LMX1B: variants seen among roughly 807,000 people sequenced by gnomAD.
LMX1B encodes LIM homeobox transcription factor 1-beta.
LMX1B carries 12 observed loss-of-function variants against 51.4 expected under a neutral mutation model. The observed-to-expected ratio is 0.23, with a 90% confidence interval of 0.15 to 0.38. The LOEUF (loss-of-function observed/expected upper bound fraction) is 0.38. Among genes scored for constraint, LMX1B ranks in the 10% least tolerant of loss-of-function variants. The pLI, the probability that LMX1B is intolerant of heterozygous loss-of-function variation, is 1.00. For synonymous variants in LMX1B, 237 were observed against 235.4 expected (o/e 1.01, Z -0.06); for missense variants, 445 against 571.1 (o/e 0.78, Z 2.25).
chr9:126,668,014 T>C (rs909436115), intron 2 of LMX1B, among the ~76,000 whole-genome samples: 2 of 152,100 alleles, frequency 1.3e-5, no homozygotes, highest in Non-Finnish European at 2.9e-5. Flanking sequence ...GATGATGTGG[T>C]CCCACTGGGT....
rs146705149 is a variant in LMX1B, at chr9:126,626,991, G to T, written c.326+11422G>T. 2.3e-3 allele frequency among the ~76,000 whole-genome samples: 349 copies of T among 152,306 alleles called. 1 individual carries two copies. Among genetic ancestry groups the T allele is most frequent in the Middle Eastern group, 3.4e-3 (1 of 294 alleles). On this transcript the variant is annotated intron_variant, in intron 2 of 7. Coordinates refer to ENST00000373474, the MANE Select transcript of LMX1B (RefSeq NM_001174147.2). This position sits in a 1 kb window ranked among gnomAD's most constrained non-coding sequence, Gnocchi z 4.3. Reference sequence around the variant, plus strand: ...GGAAGAGGCCTTGGTCTTGGGGGAGGCCCCCGCCTGAGCATTGATAAGGGT... The same window carrying T: ...GGAAGAGGCCTTGGTCTTGGGGGAGTCCCCCGCCTGAGCATTGATAAGGGT...
chr9:126,633,912 C>A (rs561977408), intron 2 of LMX1B, among the ~76,000 whole-genome samples: 1 of 152,082 alleles, frequency 6.6e-6, no homozygotes, highest in Non-Finnish European at 1.5e-5. Context: ...AAGGGGTAGT[C>A]GGCAGTCCAA....
In LMX1B at chr9:126,677,472, G is replaced by C. The variant is rs559676467; in HGVS notation, c.327-13364G>C. ...GTCACTGGCTAGAAGCAGGTATCAGGCTCCCAAATCTCTGGGTCATTTGCT... is the reference window on the plus strand; with the variant it reads ...GTCACTGGCTAGAAGCAGGTATCAGCCTCCCAAATCTCTGGGTCATTTGCT... On this transcript the variant is annotated intron_variant, in intron 2 of 7. Transcript: ENST00000373474. This position sits in a 1 kb window ranked among gnomAD's most constrained non-coding sequence, Gnocchi z 5.0. Among the ~76,000 whole-genome samples, 1 of 152,272 alleles carries C rather than the reference G, an allele frequency of 6.6e-6. No homozygotes were observed. Among genetic ancestry groups the C allele is most frequent in the South Asian group, 2.1e-4 (1 of 4,814 alleles).
chr9:126,652,485 T>C (rs1293985430), intron 2 of LMX1B, among the ~76,000 whole-genome samples: 1 of 152,200 alleles, frequency 6.6e-6, no homozygotes, highest in Non-Finnish European at 1.5e-5. Flanking sequence ...GGTGTGTGTG[T>C]CCACACGGGA....
intron 2 of LMX1B, among the ~76,000 whole-genome samples, chr9:126,687,309 A>C (rs745487995): frequency 6.6e-6 from 1 of 151,952 alleles, no homozygotes; most frequent in East Asian, 1.9e-4. Flanking sequence ...GCTCACCACA[A>C]TCTCCACCTC....
intron 2 of LMX1B, among the ~76,000 whole-genome samples, chr9:126,654,844 A>G (rs1360936564): frequency 6.6e-6 from 1 of 152,124 alleles, no homozygotes; most frequent in East Asian, 1.9e-4. Context: ...ATGGTTGGCC[A>G]TCCAGGCCTA....
intron 2 of LMX1B, among the ~76,000 whole-genome samples, chr9:126,659,753 A>C (rs1836191885): frequency 6.7e-6 from 1 of 150,364 alleles, no homozygotes; most frequent in East Asian, 2.0e-4. Context: ...TGTCTACACT[A>C]GCCTTAGAGA....
Position 126,627,303 on chromosome 9 carries a change from G to GTGCCC in LMX1B, c.326+11746_326+11750dup, listed in dbSNP as rs1455344463. On this transcript the variant is annotated intron_variant, in intron 2 of 7. Coordinates refer to ENST00000373474, the MANE Select transcript of LMX1B (RefSeq NM_001174147.2). ...CTTCTTCCCTTTTTTACTCAGAGAGGTGCCCTGCCCTGCCCTCAGCCTGCT... is the reference window on the plus strand; with the variant it reads ...CTTCTTCCCTTTTTTACTCAGAGAGGTGCCCTGCCCTGCCCTGCCCTCAGCCTGCT... 2.0e-5 allele frequency among the ~76,000 whole-genome samples: 3 copies of GTGCCC among 152,112 alleles called. No individual in the cohort carries two copies. The South Asian group carries it at 6.2e-4, about 32-fold the overall frequency.
At chr9:126,624,939 A>G (rs1184591129) in intron 2 of LMX1B, among the ~76,000 whole-genome samples, 1 of 152,154 alleles carries the variant, frequency 6.6e-6, no homozygotes, top group South Asian at 2.1e-4. Context: ...TTTCATTATG[A>G]AAAGGATTTC....
chr9:126,694,627 T>C (rs1274555069), intron 6 of LMX1B, among the ~76,000 whole-genome samples: 1 of 152,162 alleles, frequency 6.6e-6, no homozygotes, highest in African/African-American at 2.4e-5. Context: ...TGCGCCCTGG[T>C]GAGAGGGAGG....
At chr9:126,652,304 G>GC (rs921552181) in intron 2 of LMX1B, among the ~76,000 whole-genome samples, 1 of 148,694 alleles carries the variant, frequency 6.7e-6, no homozygotes, top group African/African-American at 2.5e-5. Context: ...GAAGGGGGGG[G>GC]GGATTTTCTC....
chr9:126,686,494 C>T (rs2029889844), intron 2 of LMX1B, among the ~76,000 whole-genome samples: 1 of 152,156 alleles, frequency 6.6e-6, no homozygotes, highest in Admixed American at 6.5e-5. Context: ...GAATTTCTTA[C>T]TCCATAATAT....
At chr9:126,683,838 G>C (rs1332069384) in intron 2 of LMX1B, among the ~76,000 whole-genome samples, 1 of 152,216 alleles carries the variant, frequency 6.6e-6, no homozygotes, top group African/African-American at 2.4e-5. Flanking sequence ...CTAGGAAGTG[G>C]CAGAGCCGGG....
Position 126,691,017 on chromosome 9 carries a change from G to A in LMX1B, c.508G>A (p.Glu170Lys), listed in dbSNP as rs199738980. Reference protein sequence around the residue: ...EGQLLCKGDYEKEKDLLSSVS... With the variant: ...EGQLLCKGDYKKEKDLLSSVS... Reference sequence around the variant, plus strand: ...CCAGCTGCTGTGCAAGGGTGACTACGAGAAGGAGAAGGACCTGCTCAGCTC... The same window carrying A: ...CCAGCTGCTGTGCAAGGGTGACTACAAGAAGGAGAAGGACCTGCTCAGCTC... The change falls in exon 3 of 8, where the codon GAG becomes AAG. Residue 170 changes from glutamate (E) to lysine (K), a missense_variant. Physicochemically the swap from Glu to Lys is moderately conservative, Grantham distance 56. Transcript: ENST00000373474. 2.1e-5 allele frequency: 34 copies of A among 1,613,808 alleles called. No individual in the cohort carries two copies. The highest frequency in any genetic ancestry group is 2.8e-5 in the Non-Finnish European group (33 of 1,179,912).
chr9:126,698,971 C>T lies in LMX1B; in HGVS notation c.*2520C>T, dbSNP rs1439006720. ...GTTCTGGTCCTTCTGCCGCCTCAGC[C>T]CACCAGGGTCCGTGCCACCATGGGT... On this transcript the variant is annotated 3_prime_UTR_variant, in exon 8 of 8. Coordinates refer to ENST00000373474, the MANE Select transcript of LMX1B (RefSeq NM_001174147.2). 6.6e-6 allele frequency: 1 copy of T among 152,372 alleles called. No homozygotes were observed. The highest frequency in any genetic ancestry group is 2.4e-5 in the African/African-American group (1 of 41,462). 9.4% of individuals were successfully genotyped at this position (152,372 alleles called of 1,614,324 possible).
Position 126,690,960 on chromosome 9 carries a change from C to G in LMX1B, c.451C>G (p.Arg151Gly), listed in dbSNP as rs149434820. 6.2e-7 allele frequency: 1 copy of G among 1,613,942 alleles called. No individual in the cohort carries two copies. The highest frequency in any genetic ancestry group is 8.5e-7 in the Non-Finnish European group (1 of 1,179,976). ...CTGCTGCGTGTGTGAACGGCAGCTA[C>G]GCAAGGGCGACGAATTCGTGCTCAA... ...FCCCVCERQL[R>G]KGDEFVLKEG... Residue 151 changes from arginine (R) to glycine (G), a missense_variant, in exon 3 of 8, where the codon CGC (arginine) becomes GGC (glycine). Coordinates refer to ENST00000373474, the MANE Select transcript of LMX1B (RefSeq NM_001174147.2).
intron 2 of LMX1B, among the ~76,000 whole-genome samples, chr9:126,680,213 T>C (rs1439766487): frequency 6.6e-6 from 1 of 151,860 alleles, no homozygotes; most frequent in Admixed American, 6.6e-5. Flanking sequence ...TGCAGAGTTG[T>C]TTTGGGAGGT....
chr9:126,625,433 G>T lies in LMX1B; in HGVS notation c.326+9864G>T, dbSNP rs1835505228. Reference sequence around the variant, plus strand: ...GCTCTGTCCCCTCTTCCCAGGAAAGGTGGCACTCCGGGTGCACACCCACCA... The same window carrying T: ...GCTCTGTCCCCTCTTCCCAGGAAAGTTGGCACTCCGGGTGCACACCCACCA... On this transcript the variant is annotated intron_variant, in intron 2 of 7. Coordinates refer to ENST00000373474, the MANE Select transcript of LMX1B (RefSeq NM_001174147.2). The surrounding 1 kb of genome is among the most constrained non-coding windows in gnomAD (Gnocchi z 5.3). Among the ~76,000 whole-genome samples the T allele has an allele frequency of 6.6e-6, 1 of 152,208 alleles. No homozygotes were observed. Among genetic ancestry groups the T allele is most frequent in the Admixed American group, 6.5e-5 (1 of 15,284 alleles).
At position 126,671,694 on chromosome 9, in the gene LMX1B, G is replaced by A. The variant is rs1836455966; in HGVS notation, c.327-19142G>A. On this transcript the variant is annotated intron_variant, in intron 2 of 7. Coordinates refer to ENST00000373474, the MANE Select transcript of LMX1B (RefSeq NM_001174147.2). This position sits in a 1 kb window ranked among gnomAD's most constrained non-coding sequence, Gnocchi z 4.4. ...GCGGGCCTGCCCTGTGCCGAGCGGT[G>A]GAATTTTTCAATAACCAGCAGCTGG... Among the ~76,000 whole-genome samples the A allele has an allele frequency of 6.6e-6, 1 of 152,074 alleles. No homozygotes were observed. Among genetic ancestry groups the A allele is most frequent in the Non-Finnish European group, 1.5e-5 (1 of 68,012 alleles).
Sources: gnomAD v4.1 joint callset for allele counts (sites outside exome capture counted in the v4.1 genomes callset) on GRCh38, gnomAD v4.1.1 for gene constraint, Gnocchi (gnomAD v3.1) non-coding constraint, MANE v1.5 for transcripts, NCBI Gene and HGNC (gene_info 2026-07-23, HGNC 2026-07-21) for gene names.